TVP23C: variants seen among roughly 807,000 people sequenced by gnomAD.
TVP23C encodes the protein Golgi apparatus membrane protein TVP23 homolog C.
A neutral mutation model predicts 28.7 loss-of-function variants in TVP23C; 19 were observed. The observed-to-expected ratio is 0.66, with a 90% CI of 0.46 to 0.97. TVP23C has a LOEUF of 0.97. TVP23C is among the 50% of genes least tolerant of loss of function. The pLI is 0.00. For synonymous variants in TVP23C, 68 were observed against 81.7 expected, an observed-to-expected ratio of 0.83 and a Z score of 0.90; for missense variants, 186 against 241.3, an observed-to-expected ratio of 0.77 and a Z score of 1.52.
At position 15,506,004 on chromosome 17, in the gene TVP23C, C is replaced by T. The variant is rs546156840; in HGVS notation, c.463-2772G>A. 1.9e-3 allele frequency among the ~76,000 whole-genome samples: 295 copies of T among 152,346 alleles called. 1 individual carries two copies. The highest frequency in any genetic ancestry group is 6.9e-3 in the African/African-American group (285 of 41,586). Reference sequence around the variant, plus strand: ...ATGGGCTCCTGTGCGGCCCAAGCCTCCCCGACGAGCGCCACCCCCTGCTCC... The same window carrying T: ...ATGGGCTCCTGTGCGGCCCAAGCCTTCCCGACGAGCGCCACCCCCTGCTCC... On this transcript the variant is annotated intron_variant, in intron 5 of 5. Transcript: ENST00000225576.
At chr17:15,519,631 C>A (rs1407648884) in intron 5 of TVP23C, among the ~76,000 whole-genome samples, 1 of 152,134 alleles carries the variant, frequency 6.6e-6, no homozygotes, top group East Asian at 1.9e-4. Context: ...CAGTTGGTGG[C>A]CAGGCGCGGT....
chr17:15,552,826 A>G (rs1377130636), intron 3 of TVP23C, among the ~76,000 whole-genome samples: 1 of 151,948 alleles, frequency 6.6e-6, no homozygotes, highest in African/African-American at 2.4e-5. Flanking sequence ...CTATTTTACT[A>G]TATTTTCGAA....
chr17:15,547,348 G>C (rs569615222), intron 3 of TVP23C, among the ~76,000 whole-genome samples, 200 bp from the exon 4 acceptor site: 1 of 152,210 alleles, frequency 6.6e-6, no homozygotes, highest in Non-Finnish European at 1.5e-5. Context: ...TAGGGGTAGA[G>C]GTGACAGAGC....
chr17:15,508,168 A>G (rs560247863), intron 5 of TVP23C, among the ~76,000 whole-genome samples: 1 of 152,234 alleles, frequency 6.6e-6, no homozygotes, highest in East Asian at 1.9e-4. Flanking sequence ...CATCCCTAGG[A>G]GGTACTCCTC....
rs1171983811 is a variant in TVP23C at position 15,540,125 on chromosome 17, T to C, written c.*287A>G. On this transcript the variant is annotated 3_prime_UTR_variant, in exon 6 of 6. Coordinates refer to ENST00000518321, the MANE Select transcript of TVP23C (RefSeq NM_001135036.2). ...AAAAATAAAAACATACAACATACAT[T>C]CTGCAAGGGCATTCACTTAAAGCTC... 1 of 1,235,564 alleles carries C rather than the reference T, an allele frequency of 8.1e-7. No individual in the cohort carries two copies. Among genetic ancestry groups the C allele is most frequent in the African/African-American group, 1.6e-5 (1 of 63,648 alleles). The allele number at this position is 1,235,564 out of a possible 1,614,324, so 76.5% of individuals were successfully genotyped here.
chr17:15,507,225 A>G (rs1015640720), intron 5 of TVP23C: 1 of 733,868 alleles, frequency 1.4e-6, no homozygotes, highest in Non-Finnish European at 2.5e-6. Flanking sequence ...AGCGTGGTTG[A>G]ATGGGAAGCA....
At chr17:15,541,301 C>T (rs1213511522) in intron 5 of TVP23C, among the ~76,000 whole-genome samples, 2 of 152,236 alleles carry the variant, frequency 1.3e-5, no homozygotes, top group African/African-American at 4.8e-5. Flanking sequence ...ATACAGTGAT[C>T]AGCAAAGTTC....
chr17:15,536,020 C>T (rs7226116), downstream of TVP23C, among the ~76,000 whole-genome samples: 741 of 152,158 alleles, frequency 4.9e-3, 3 homozygotes, highest in African/African-American at 0.017. Flanking sequence ...GGTGAAATCC[C>T]GTCTCTACTA....
At chr17:15,525,038 T>C (rs941522027) in intron 5 of TVP23C, among the ~76,000 whole-genome samples, 4 of 152,264 alleles carry the variant, frequency 2.6e-5, no homozygotes, top group African/African-American at 9.6e-5. Flanking sequence ...CTCTGTCTCC[T>C]GCTTTGAGAT....
intron 5 of TVP23C, among the ~76,000 whole-genome samples, chr17:15,519,580 T>G (rs553464852): frequency 6.6e-6 from 1 of 152,116 alleles, no homozygotes; most frequent in Non-Finnish European, 1.5e-5. Flanking sequence ...GGTTGGGGTC[T>G]TCAAGGACTC....
In TVP23C at chr17:15,525,665, C is replaced by CGTGTGTGT. The variant is rs537223610; in HGVS notation, c.462+20112_462+20119dup. On this transcript the variant is annotated intron_variant, in intron 5 of 5. Transcript: ENST00000225576. ...CAACTCCTTGAAATAAATCTCTCTC[C>CGTGTGTGT]GTGTGTGTGTGTGTGCATGTGTGTG... is the stretch of plus-strand genomic sequence containing the variant. 5.9e-5 allele frequency among the ~76,000 whole-genome samples: 9 copies of CGTGTGTGT among 151,566 alleles called. 1 individual carries two copies. The highest frequency in any genetic ancestry group is 2.2e-4 in the African/African-American group (9 of 41,412).
intron 5 of TVP23C, chr17:15,503,392 A>C: frequency 1.1e-6 from 1 of 904,998 alleles, no homozygotes; most frequent in Non-Finnish European, 1.6e-6. Context: ...GCGACAGAGC[A>C]AGACCATGAT....
chr17:15,530,554 A>T (rs1485173257), intron 5 of TVP23C, among the ~76,000 whole-genome samples: 1 of 152,230 alleles, frequency 6.6e-6, no homozygotes, highest in East Asian at 1.9e-4. Flanking sequence ...GAAAAGAATT[A>T]CAAACAAAAA....
chr17:15,545,975 C>A (rs1983629952), intron 4 of TVP23C, 59 bp from the exon 5 acceptor site: 6 of 1,575,824 alleles, frequency 3.8e-6, no homozygotes, highest in Non-Finnish European at 4.3e-6. Context: ...AAAAGTTCAA[C>A]ATATTTAATA....
At chr17:15,555,212 T>G in intron 2 of TVP23C, 70 bp downstream of exon 2, 1 of 1,602,472 alleles carries the variant, frequency 6.2e-7, no homozygotes, top group Non-Finnish European at 8.5e-7. Flanking sequence ...TTGACTCCCA[T>G]CAGCTAGCAC....
At chr17:15,525,628 A>G (rs1982687076) in intron 5 of TVP23C, among the ~76,000 whole-genome samples, 1 of 152,224 alleles carries the variant, frequency 6.6e-6, no homozygotes, top group Non-Finnish European at 1.5e-5. Context: ...CAGTTCCCAC[A>G]ACTGTGTAAG....
In TVP23C at chr17:15,563,200, C is replaced by T. The variant is rs569610646; in HGVS notation, c.12+237G>A. Reference sequence around the variant, plus strand: ...CCCACTCGCGCTGGTTAACAATGGGCGTCCCCACAGCCGCAAGAAGTACTT... The same window carrying T: ...CCCACTCGCGCTGGTTAACAATGGGTGTCCCCACAGCCGCAAGAAGTACTT... On this transcript the variant is annotated intron_variant, in intron 1 of 5. Coordinates refer to ENST00000518321, the MANE Select transcript of TVP23C (RefSeq NM_001135036.2). 1.3e-5 allele frequency: 8 copies of T among 637,188 alleles called. No homozygotes were observed. The East Asian group carries it at 2.4e-4, about 19-fold the overall frequency. The allele number at this position is 637,188 out of a possible 1,614,324, so 39.5% of individuals were successfully genotyped here. A position where few individuals can be genotyped will look rare whatever the true frequency, so the allele number is the denominator to read the frequency against.
downstream of TVP23C, among the ~76,000 whole-genome samples, chr17:15,535,319 G>T (rs1312271998): frequency 4.0e-5 from 6 of 151,010 alleles, no homozygotes; most frequent in Non-Finnish European, 7.4e-5. Context: ...TCATTAAAAT[G>T]CCATGCACTT....
chr17:15,514,999 T>C (rs992760524), intron 5 of TVP23C, among the ~76,000 whole-genome samples: 1 of 151,956 alleles, frequency 6.6e-6, no homozygotes, highest in African/African-American at 2.4e-5. Context: ...GTGCTTTAGG[T>C]TTCCAACAGC....
Sources: allele counts gnomAD v4.1 joint callset (sites outside exome capture counted in the v4.1 genomes callset), GRCh38; gene constraint gnomAD v4.1.1; transcripts MANE v1.5; gene names NCBI Gene and HGNC (gene_info 2026-07-23, HGNC 2026-07-21).